Variants in KLF8 observed in about 807,000 individuals in gnomAD.
KLF8 encodes Krueppel-like factor 8.
KLF8 carries 10 observed loss-of-function variants against 18.2 expected under a neutral mutation model. The observed-to-expected ratio is 0.55, with a 90% confidence interval of 0.34 to 0.93. KLF8 has a LOEUF of 0.93. Among genes scored for constraint, KLF8 ranks in the 40% least tolerant of loss-of-function variants. The probability of loss-of-function intolerance (pLI) is 0.02; values close to 1 mark genes in which losing one functional copy is unlikely to be tolerated. For missense variants in KLF8, 264 were observed against 277.9 expected (o/e 0.95, Z 0.36); for synonymous variants, 109 against 97.3 (o/e 1.12, Z -0.71).
chrX:56,011,582 A>G, the KLF8 span, among the ~76,000 whole-genome samples: 1 of 111,535 alleles, frequency 9.0e-6, no homozygotes, highest in African/African-American at 3.3e-5. Context: ...TCCCAAAGCT[A>G]GCAGAATACA....
At chrX:56,132,721 A>C in the KLF8 span, among the ~76,000 whole-genome samples, 1 of 112,027 alleles carries the variant, frequency 8.9e-6, no homozygotes, top group Non-Finnish European at 1.9e-5. Flanking sequence ...TAAATGAAAC[A>C]AAAAGCTGGT....
intron 5 of KLF8, among the ~76,000 whole-genome samples, chrX:56,272,813 A>G (rs2147672537): frequency 9.0e-6 from 1 of 111,409 alleles, no homozygotes; most frequent in African/African-American, 3.3e-5. Flanking sequence ...TTAAATATAA[A>G]TAAGATTATA....
At chrX:56,058,689 T>C in the KLF8 span, among the ~76,000 whole-genome samples, 1 of 110,649 alleles carries the variant, frequency 9.0e-6, no homozygotes, top group Non-Finnish European at 1.9e-5. Flanking sequence ...AACTCATCGT[T>C]TTTTATGGCT....
chrX:56,270,551 A>G (rs1465705649), intron 5 of KLF8, among the ~76,000 whole-genome samples: 1 of 111,057 alleles, frequency 9.0e-6, no homozygotes, highest in Non-Finnish European at 1.9e-5. Flanking sequence ...TCCCTACTCT[A>G]AGGCAGATTT....
the KLF8 span, among the ~76,000 whole-genome samples, chrX:56,102,925 C>T: frequency 1.2e-5 from 1 of 85,018 alleles, no homozygotes; most frequent in African/African-American, 4.3e-5. Flanking sequence ...CAACAGTCCC[C>T]GGGGTGTGAT....
the KLF8 span, among the ~76,000 whole-genome samples, chrX:55,921,775 A>T: frequency 3.6e-5 from 4 of 112,080 alleles, no homozygotes; most frequent in Admixed American, 3.8e-4. Context: ...GTACAAGAAT[A>T]AAAAAACCCC....
At chrX:56,138,214 TG>T in the KLF8 span, among the ~76,000 whole-genome samples, 3 of 110,708 alleles carry the variant, frequency 2.7e-5, no homozygotes, top group East Asian at 8.5e-4. Context: ...GAAAATGCCT[TG>T]GGCCAGATGA....
chrX:56,251,389 G>C (rs1032303884), intron 2 of KLF8, among the ~76,000 whole-genome samples: 2 of 110,903 alleles, frequency 1.8e-5, no homozygotes, highest in African/African-American at 6.5e-5. Context: ...AGATAAAGTT[G>C]GTTACATTTA....
chrX:56,137,666 T>C, the KLF8 span, among the ~76,000 whole-genome samples: 6 of 105,370 alleles, frequency 5.7e-5, no homozygotes, highest in Non-Finnish European at 7.8e-5. Flanking sequence ...GATGAGTTAA[T>C]GGGTGCAGCA....
the KLF8 span, among the ~76,000 whole-genome samples, chrX:56,165,602 C>T: frequency 1.8e-5 from 2 of 111,956 alleles, no homozygotes; most frequent in African/African-American, 6.5e-5. Flanking sequence ...CACGGTGGCT[C>T]ATGCCTGTAA....
At chrX:56,256,345 G>A (rs2066795263) in intron 2 of KLF8, among the ~76,000 whole-genome samples, 1 of 111,119 alleles carries the variant, frequency 9.0e-6, no homozygotes. Flanking sequence ...TTGTTTCACT[G>A]ATCTTTTGTA....
At chrX:55,946,602 A>C in the KLF8 span, among the ~76,000 whole-genome samples, 1 of 111,894 alleles carries the variant, frequency 8.9e-6, no homozygotes, top group Non-Finnish European at 1.9e-5. Flanking sequence ...TGAAACACCA[A>C]AAGCAATGGT....
At chrX:56,168,001 A>T in the KLF8 span, among the ~76,000 whole-genome samples, 1 of 111,814 alleles carries the variant, frequency 8.9e-6, no homozygotes, top group African/African-American at 3.2e-5. Context: ...ATCTCCACAT[A>T]TTTTTCCACC....
the KLF8 span, among the ~76,000 whole-genome samples, chrX:56,010,634 G>A: frequency 9.0e-6 from 1 of 111,650 alleles, no homozygotes; most frequent in Non-Finnish European, 1.9e-5. Context: ...AATGGAAATT[G>A]GCAAAATCCC....
chrX:56,220,262 T>G, the KLF8 span, among the ~76,000 whole-genome samples: 2 of 111,780 alleles, frequency 1.8e-5, no homozygotes, highest in South Asian at 7.5e-4. Context: ...TTGCTATTAG[T>G]CCTCAGAATA....
intron 1 of KLF8, among the ~76,000 whole-genome samples, chrX:56,249,749 G>T (rs1165837460): frequency 9.0e-6 from 1 of 111,345 alleles, no homozygotes; most frequent in East Asian, 2.8e-4. Context: ...TTTTTAAGAG[G>T]AAAAACTAAA....
chrX:56,171,626 G>A, the KLF8 span, among the ~76,000 whole-genome samples: 1 of 111,203 alleles, frequency 9.0e-6, no homozygotes, highest in South Asian at 3.8e-4. Flanking sequence ...TGCGGTGTTT[G>A]GATTTTTATC....
chrX:56,055,627 A>T, the KLF8 span, among the ~76,000 whole-genome samples: 17 of 112,290 alleles, frequency 1.5e-4, no homozygotes, highest in Non-Finnish European at 3.2e-4. Flanking sequence ...TAGGTTGAAG[A>T]AGTTCTCATG....
At chrX:56,022,551 C>CAAAAAAAAAAAAAAAAAAA in the KLF8 span, among the ~76,000 whole-genome samples, 4 of 27,310 alleles carry the variant, frequency 1.5e-4, no homozygotes, top group African/African-American at 3.0e-4. Context: ...TCTGTCTGAC[C>CAAAAAAAAAAAAAAAAAAA]AAAAAAAAAA....
Sources: allele counts gnomAD v4.1 joint callset (sites outside exome capture counted in the v4.1 genomes callset), GRCh38; gene constraint gnomAD v4.1.1; transcripts MANE v1.5; gene names NCBI Gene and HGNC (gene_info 2026-07-23, HGNC 2026-07-21).